MBOAT2: variants seen among roughly 807,000 people sequenced by gnomAD.
MBOAT2 encodes membrane bound glycerophospholipid O-acyltransferase 2, also known as membrane-bound glycerophospholipid O-acyltransferase 2.
A neutral mutation model predicts 63.4 loss-of-function variants in MBOAT2; 28 were observed. The observed-to-expected ratio is 0.44, with a 90% confidence interval of 0.33 to 0.61. The LOEUF (loss-of-function observed/expected upper bound fraction) is 0.61. MBOAT2 is among the 20% of genes least tolerant of loss of function. The pLI is 0.03. For synonymous variants in MBOAT2, 211 were observed against 215.6 expected, an observed-to-expected ratio of 0.98 and a Z score of 0.19; for missense variants, 470 against 605.8, an observed-to-expected ratio of 0.78 and a Z score of 2.35.
In MBOAT2 at chr2:8,858,110, A is replaced by T. The variant is rs1661226382; in HGVS notation, c.*569T>A. 6.5e-6 allele frequency: 1 copy of T among 152,702 alleles called. No individual in the cohort carries two copies. Among genetic ancestry groups the T allele is most frequent in the Non-Finnish European group, 1.5e-5 (1 of 68,068 alleles). 9.5% of individuals were successfully genotyped at this position (152,702 alleles called of 1,614,324 possible). A position where few individuals can be genotyped will look rare whatever the true frequency, so the allele number is the denominator to read the frequency against. On this transcript the variant is annotated 3_prime_UTR_variant, in exon 13 of 13. Coordinates refer to ENST00000305997, the MANE Select transcript of MBOAT2 (RefSeq NM_138799.4). ...GGATTGTAGTCATTTGACATACTTTAAGAAAACCCTTCAAATACTGAGATG... is the reference window on the plus strand; with the variant it reads ...GGATTGTAGTCATTTGACATACTTTTAGAAAACCCTTCAAATACTGAGATG...
At chr2:8,864,917 TTAC>T (rs1661762246) in intron 9 of MBOAT2, among the ~76,000 whole-genome samples, 1 of 152,204 alleles carries the variant, frequency 6.6e-6, no homozygotes. Context: ...CTTATGTAAA[TTAC>T]TACTCTTATG....
intron 6 of MBOAT2, 41 bp from the exon 7 acceptor site, chr2:8,877,254 G>C: frequency 6.4e-7 from 1 of 1,555,558 alleles, no homozygotes; most frequent in Non-Finnish European, 8.7e-7. Flanking sequence ...TGCAGCATAA[G>C]CTTCAGAACA....
At chr2:8,880,932 G>A (rs1663076154) in intron 6 of MBOAT2, among the ~76,000 whole-genome samples, 1 of 152,182 alleles carries the variant, frequency 6.6e-6, no homozygotes, top group African/African-American at 2.4e-5. Context: ...AATGAGGGGA[G>A]ACACTGAATG....
intron 1 of MBOAT2, among the ~76,000 whole-genome samples, chr2:8,984,927 G>A (rs944186266): frequency 3.3e-5 from 5 of 152,142 alleles, no homozygotes; most frequent in Admixed American, 2.6e-4. Flanking sequence ...AGGGGAAGCA[G>A]AAAGAGGGGC....
intron 1 of MBOAT2, among the ~76,000 whole-genome samples, chr2:8,999,061 G>C (rs1672505266): frequency 6.6e-6 from 1 of 152,120 alleles, no homozygotes; most frequent in African/African-American, 2.4e-5. Flanking sequence ...TGACTTTGCA[G>C]GATTAGTAAC....
chr2:8,990,698 AC>A (rs1290683049), intron 1 of MBOAT2, among the ~76,000 whole-genome samples: 1 of 152,240 alleles, frequency 6.6e-6, no homozygotes, highest in Non-Finnish European at 1.5e-5. Context: ...AAAAATTGCA[AC>A]AATACTTAGA....
intron 1 of MBOAT2, among the ~76,000 whole-genome samples, chr2:8,986,353 A>C (rs1671564837): frequency 1.3e-5 from 2 of 152,184 alleles, no homozygotes; most frequent in Middle Eastern, 3.4e-3. Flanking sequence ...AGGCAGGCTG[A>C]TCACTTGCGA....
At chr2:8,880,267 CAGATTAG>C (rs1663013452) in intron 6 of MBOAT2, among the ~76,000 whole-genome samples, 3 of 151,912 alleles carry the variant, frequency 2.0e-5, no homozygotes, top group Admixed American at 2.0e-4. Context: ...GAAAATCAGT[CAGATTAG>C]AGATTAATTT....
chr2:8,964,071 G>A (rs1669819930), intron 1 of MBOAT2, among the ~76,000 whole-genome samples: 1 of 152,168 alleles, frequency 6.6e-6, no homozygotes, highest in Non-Finnish European at 1.5e-5. Flanking sequence ...AGGAGGTAAT[G>A]GAGAACGACA....
At chr2:8,964,453 C>T (rs1473098007) in intron 1 of MBOAT2, among the ~76,000 whole-genome samples, 1 of 146,984 alleles carries the variant, frequency 6.8e-6, no homozygotes, top group Admixed American at 6.8e-5. Context: ...AAGCAACATC[C>T]ACTTGACTAA....
intron 1 of MBOAT2, among the ~76,000 whole-genome samples, chr2:8,990,471 T>A (rs1254573773): frequency 1.3e-5 from 2 of 152,196 alleles, no homozygotes; most frequent in Non-Finnish European, 2.9e-5. Context: ...TATACTATTT[T>A]ACTATTAATT....
chr2:8,895,677 C>T (rs1218879114), intron 4 of MBOAT2, among the ~76,000 whole-genome samples: 1 of 152,146 alleles, frequency 6.6e-6, no homozygotes, highest in African/African-American at 2.4e-5. Flanking sequence ...AGAATTTGGC[C>T]GATGACCGCT....
chr2:8,889,575 A>AT (rs1663836614), intron 4 of MBOAT2, among the ~76,000 whole-genome samples: 1 of 152,178 alleles, frequency 6.6e-6, no homozygotes, highest in African/African-American at 2.4e-5. Flanking sequence ...ATACCCTTCA[A>AT]GCCCTTGAAA....
chr2:8,900,328 AG>A (rs758228892), intron 4 of MBOAT2, among the ~76,000 whole-genome samples: 9 of 152,332 alleles, frequency 5.9e-5, no homozygotes, highest in Non-Finnish European at 1.2e-4. Context: ...CTGCAGCTAA[AG>A]TCGCATTCTT....
chr2:8,977,039 CAGGGAGAGGCAGG>C (rs1420139867), intron 1 of MBOAT2, among the ~76,000 whole-genome samples: 2 of 151,966 alleles, frequency 1.3e-5, no homozygotes, highest in African/African-American at 4.8e-5. Flanking sequence ...GGATGGAGGC[CAGGGAGAGGCAGG>C]AGGGAGACGG....
In MBOAT2 at chr2:8,882,515, C is replaced by T; in HGVS notation, c.502G>A (p.Val168Ile). ...ATAGGATGCAAAGGCACGTACCTTACAGCTAAATCCCTCTGTGAGGAAGTC... is the reference window on the plus strand; with the variant it reads ...ATAGGATGCAAAGGCACGTACCTTATAGCTAAATCCCTCTGTGAGGAAGTC... ...ELTSSQRDLA[V>I]RRMPSLLEYL... Residue 168 changes from valine to isoleucine, a missense_variant, in exon 6 of 13, where the codon GTA becomes ATA. Transcript: ENST00000305997. 1 of 1,614,210 alleles carries T rather than the reference C, an allele frequency of 6.2e-7. No homozygotes were observed. The highest frequency in any genetic ancestry group is 1.1e-5 in the South Asian group (1 of 91,084).
intron 12 of MBOAT2, 28 bp downstream of exon 12, chr2:8,860,585 C>A (rs905366157): frequency 6.2e-7 from 1 of 1,602,394 alleles, no homozygotes; most frequent in African/African-American, 1.3e-5. Context: ...GTTATTCCCA[C>A]TGACAAAGTT....
Position 8,875,450 on chromosome 2 carries a change from G to T in MBOAT2, c.690+1580C>A, listed in dbSNP as rs1471855873. 5.9e-5 allele frequency among the ~76,000 whole-genome samples: 9 copies of T among 152,132 alleles called. No individual in the cohort carries two copies. The East Asian group carries it at 1.7e-3, about 29-fold the overall frequency. On this transcript the variant is annotated intron_variant, in intron 7 of 12. Coordinates refer to ENST00000305997, the MANE Select transcript of MBOAT2 (RefSeq NM_138799.4). The stretch of plus-strand genomic sequence containing the variant: ...ATACATTTGTATTATTCTTTGTCAA[G>T]TTTGATTTACTACTATCACTTTTAT...
At chr2:8,912,315 G>T (rs182559336) in intron 3 of MBOAT2, among the ~76,000 whole-genome samples, 1 of 92,344 alleles carries the variant, frequency 1.1e-5, no homozygotes, top group East Asian at 2.8e-4. Context: ...AAGAAAGAAA[G>T]AAAGAAAGAA....
Sources: allele counts gnomAD v4.1 joint callset (sites outside exome capture counted in the v4.1 genomes callset), GRCh38; gene constraint gnomAD v4.1.1; transcripts MANE v1.5; gene names NCBI Gene and HGNC (gene_info 2026-07-23, HGNC 2026-07-21).